The following SLC25A37 variants were observed in gnomAD, a reference collection of about 807,000 sequenced individuals.
The protein encoded by SLC25A37 is solute carrier family 25 member 37.
SLC25A37 carries 17 observed loss-of-function variants against 31.0 expected under a neutral mutation model. The observed-to-expected ratio is 0.55, with a 90% CI of 0.38 to 0.82. SLC25A37 has a LOEUF of 0.82. Among genes scored for constraint, SLC25A37 ranks in the 40% least tolerant of loss-of-function variants. SLC25A37 has a pLI of 0.00. For synonymous variants in SLC25A37, 222 were observed against 193.0 expected (o/e 1.15, Z -1.24); for missense variants, 404 against 465.8 (o/e 0.87, Z 1.22).
chr8:23,565,080 G>A (rs1802617563), intron 1 of SLC25A37, among the ~76,000 whole-genome samples: 1 of 152,226 alleles, frequency 6.6e-6, no homozygotes, highest in Admixed American at 6.5e-5. Flanking sequence ...GCAGTCTGGA[G>A]GCAGAATTTC....
At chr8:23,550,170 A>C (rs1241084473) in intron 1 of SLC25A37, among the ~76,000 whole-genome samples, 3 of 123,282 alleles carry the variant, frequency 2.4e-5, no homozygotes, top group Admixed American at 2.4e-4. Flanking sequence ...AACAAGAGCG[A>C]AATTCCGTTT....
chr8:23,559,326 T>G (rs1286918780), intron 1 of SLC25A37, among the ~76,000 whole-genome samples: 1 of 148,580 alleles, frequency 6.7e-6, no homozygotes, highest in East Asian at 2.0e-4. Context: ...TGTGAAATTC[T>G]CTGTCTCCGG....
chr8:23,532,420 T>A (rs1173037805), intron 1 of SLC25A37, among the ~76,000 whole-genome samples: 1 of 151,918 alleles, frequency 6.6e-6, no homozygotes, highest in African/African-American at 2.4e-5. Context: ...TGTTCCAGAG[T>A]GGCAAGGGGC....
At chr8:23,552,880 A>T (rs1206214298) in intron 1 of SLC25A37, among the ~76,000 whole-genome samples, 1 of 152,198 alleles carries the variant, frequency 6.6e-6, no homozygotes, top group Non-Finnish European at 1.5e-5. Flanking sequence ...AACTGAAAGC[A>T]AAAGAAAGCT....
At position 23,566,099 on chromosome 8, in the gene SLC25A37, C is replaced by T. The variant is rs200796270; in HGVS notation, c.211-9C>T. 9.8e-5 allele frequency: 154 copies of T among 1,568,784 alleles called. No homozygotes were observed. The highest frequency in any genetic ancestry group is 6.7e-4 in the Middle Eastern group (4 of 5,984). ...TTTTTGTTTGTTTTCTCTTCTTGCC[C>T]GCTCCCAGACACGAATGCAGAGTTT... On this transcript the variant is annotated splice_polypyrimidine_tract_variant and intron_variant, in intron 1 of 3. Transcript: ENST00000519973.
At position 23,571,980 on chromosome 8, in the gene SLC25A37, T is replaced by A. The variant is rs1489923748; in HGVS notation, c.*125T>A. On this transcript the variant is annotated 3_prime_UTR_variant, in exon 4 of 4. Coordinates refer to ENST00000519973, the MANE Select transcript of SLC25A37 (RefSeq NM_016612.4). ...TGCCTATGGGCCCTCTGCTCCCCAA[T>A]GCCTTAGAGAGAGGAGGGGACGGCA... The A allele has an allele frequency of 1.9e-6, 2 of 1,080,966 alleles. No homozygotes were observed. The highest frequency in any genetic ancestry group is 2.6e-6 in the Non-Finnish European group (2 of 757,648). The allele number at this position is 1,080,966 out of a possible 1,614,324, so 67.0% of individuals were successfully genotyped here.
chr8:23,533,878 G>A (rs1184500970), intron 1 of SLC25A37, among the ~76,000 whole-genome samples: 1 of 152,158 alleles, frequency 6.6e-6, no homozygotes, highest in Non-Finnish European at 1.5e-5. Flanking sequence ...CACCTTGAAT[G>A]TTGTGTCTGA....
At chr8:23,545,902 C>T (rs1258418166) in intron 1 of SLC25A37, among the ~76,000 whole-genome samples, 2 of 152,080 alleles carry the variant, frequency 1.3e-5, no homozygotes, top group Non-Finnish European at 2.9e-5. Flanking sequence ...TTTGTGAGGC[C>T]AAGACGGGTG....
In SLC25A37 at chr8:23,571,930, A is replaced by C; in HGVS notation, c.*75A>C. ...AGCCCCTTGCCCTCTCCTCACACGT[A>C]GATCATTTTTTTTTTGCAGGGTGCT... On this transcript the variant is annotated 3_prime_UTR_variant, in exon 4 of 4. Coordinates refer to ENST00000519973, the MANE Select transcript of SLC25A37 (RefSeq NM_016612.4). 6.7e-7 allele frequency: 1 copy of C among 1,484,156 alleles called. No homozygotes were observed. The allele number at this position is 1,484,156 out of a possible 1,614,324, so 91.9% of individuals were successfully genotyped here. A position where few individuals can be genotyped will look rare whatever the true frequency, so the allele number is the denominator to read the frequency against.
chr8:23,565,047 G>A (rs1802616628), intron 1 of SLC25A37, among the ~76,000 whole-genome samples: 1 of 152,216 alleles, frequency 6.6e-6, no homozygotes, highest in South Asian at 2.1e-4. Flanking sequence ...AGGGAGAGCT[G>A]ATGTTACAGT....
chr8:23,555,658 A>G (rs1377810341), intron 1 of SLC25A37, among the ~76,000 whole-genome samples: 1 of 152,230 alleles, frequency 6.6e-6, no homozygotes, highest in African/African-American at 2.4e-5. Context: ...GACAGGTGGC[A>G]GGAATCCTCT....
intron 1 of SLC25A37, among the ~76,000 whole-genome samples, chr8:23,552,500 G>A (rs567824571): frequency 2.6e-5 from 4 of 152,294 alleles, no homozygotes; most frequent in Admixed American, 2.0e-4. Flanking sequence ...TAATGGTTGA[G>A]TGACTGGATG....
At chr8:23,545,497 C>G (rs925860536) in intron 1 of SLC25A37, among the ~76,000 whole-genome samples, 1 of 152,236 alleles carries the variant, frequency 6.6e-6, no homozygotes, top group Non-Finnish European at 1.5e-5. Context: ...AGTCCTGTTT[C>G]TCCAACAGGC....
intron 1 of SLC25A37, among the ~76,000 whole-genome samples, chr8:23,530,298 G>A (rs891775202): frequency 2.0e-5 from 3 of 152,182 alleles, no homozygotes; most frequent in African/African-American, 7.2e-5. Context: ...TGGAGGATTC[G>A]GAGGCCTCTC....
chr8:23,546,291 A>G (rs994213350), intron 1 of SLC25A37, among the ~76,000 whole-genome samples: 2 of 152,032 alleles, frequency 1.3e-5, no homozygotes, highest in African/African-American at 4.8e-5. Flanking sequence ...ACAGAGCAAG[A>G]TCCTGTCTCT....
intron 1 of SLC25A37, among the ~76,000 whole-genome samples, chr8:23,541,153 T>C (rs1407902078): frequency 6.6e-6 from 1 of 151,996 alleles, no homozygotes; most frequent in Non-Finnish European, 1.5e-5. Flanking sequence ...AGCATGCTCA[T>C]TTCGTGGTAA....
chr8:23,560,877 G>A lies in SLC25A37; in HGVS notation c.211-5231G>A, dbSNP rs549766056. Among the ~76,000 whole-genome samples, 11 of 152,220 alleles carry A rather than the reference G, an allele frequency of 7.2e-5. 1 individual carries two copies. The highest frequency in any genetic ancestry group is 2.6e-4 in the Admixed American group (4 of 15,288). The stretch of plus-strand genomic sequence containing the variant: ...TTTTTCCAAAGAGGGCTCTGGTAAC[G>A]TCAGTATTTAAAGGGGAAAGAGCAA... On this transcript the variant is annotated intron_variant, in intron 1 of 3. Transcript: ENST00000519973.
chr8:23,559,326 T>C (rs1286918780), intron 1 of SLC25A37, among the ~76,000 whole-genome samples: 2 of 148,580 alleles, frequency 1.3e-5, no homozygotes, highest in African/African-American at 5.0e-5. Flanking sequence ...TGTGAAATTC[T>C]CTGTCTCCGG....
chr8:23,535,828 A>C (rs1310009493), intron 1 of SLC25A37, among the ~76,000 whole-genome samples: 1 of 152,100 alleles, frequency 6.6e-6, no homozygotes, highest in Admixed American at 6.5e-5. Context: ...AAATCATCAG[A>C]TCTCGTGAGA....
Sources: gnomAD v4.1 joint callset for allele counts (sites outside exome capture counted in the v4.1 genomes callset) on GRCh38, gnomAD v4.1.1 for gene constraint, MANE v1.5 for transcripts, NCBI Gene and HGNC (gene_info 2026-07-23, HGNC 2026-07-21) for gene names.